The following LRRC4C variants were observed in gnomAD, a reference collection of about 807,000 sequenced individuals.
The protein encoded by LRRC4C is leucine-rich repeat-containing protein 4C.
LRRC4C carries 5 observed loss-of-function variants against 33.6 expected under a neutral mutation model. The ratio of observed to expected loss-of-function variants is 0.15; its 90% CI spans 0.08 to 0.31. The LOEUF is 0.31. Ranked by LOEUF, LRRC4C falls within the 10% of genes least tolerant of loss-of-function variation. LRRC4C has a pLI of 1.00. For synonymous variants in LRRC4C, 329 were observed against 302.0 expected (o/e 1.09, Z -0.93); for missense variants, 560 against 796.7 (o/e 0.70, Z 3.58).
chr11:40,494,961 C>T (rs1335690013), intron 3 of LRRC4C, among the ~76,000 whole-genome samples: 2 of 152,128 alleles, frequency 1.3e-5, no homozygotes, highest in East Asian at 3.9e-4. Context: ...AATTGTATCG[C>T]TCTCATAGAA....
At chr11:40,263,730 C>T (rs536931452) in intron 4 of LRRC4C, among the ~76,000 whole-genome samples, 1 of 152,298 alleles carries the variant, frequency 6.6e-6, no homozygotes, top group East Asian at 1.9e-4. Context: ...GCAGGAAAGG[C>T]CATTCATGCG....
intron 1 of LRRC4C, among the ~76,000 whole-genome samples, chr11:41,267,538 G>T (rs1034581129): frequency 2.0e-5 from 3 of 152,204 alleles, no homozygotes; most frequent in African/African-American, 7.2e-5. Flanking sequence ...ACCAGTAAAT[G>T]ATAACAAATG....
intron 5 of LRRC4C, among the ~76,000 whole-genome samples, chr11:40,237,447 T>C (rs1865642358): frequency 2.0e-5 from 3 of 152,212 alleles, no homozygotes; most frequent in African/African-American, 7.2e-5. Flanking sequence ...AGAATCTTTC[T>C]TACTCTCTAT....
At position 40,591,079 on chromosome 11, in the gene LRRC4C, C is replaced by T. The variant is rs373901008; in HGVS notation, c.-270+57063G>A. 5.9e-4 allele frequency among the ~76,000 whole-genome samples: 90 copies of T among 152,254 alleles called. 2 individuals carry two copies. In the South Asian group the frequency reaches 0.017, roughly 29 times the overall value. ...ATGGTGGGCGCCCCTCCCCCAGCCT[C>T]GCTGCCGCCTTGCAGTTTGATCTCA... On this transcript the variant is annotated intron_variant, in intron 3 of 6. Coordinates refer to ENST00000528697, the MANE Select transcript of LRRC4C (RefSeq NM_001258419.2).
At chr11:40,625,514 G>C (rs545642576) in intron 3 of LRRC4C, among the ~76,000 whole-genome samples, 1 of 152,186 alleles carries the variant, frequency 6.6e-6, no homozygotes, top group Non-Finnish European at 1.5e-5. Context: ...GGGAAAACCT[G>C]TCCCCCTGAT....
intron 1 of LRRC4C, among the ~76,000 whole-genome samples, chr11:41,204,993 A>G (rs1946541407): frequency 6.6e-6 from 1 of 152,164 alleles, no homozygotes; most frequent in African/African-American, 2.4e-5. Flanking sequence ...TTGAATAAAG[A>G]CTTACAGTCT....
chr11:40,751,387 C>T (rs1948686166), intron 2 of LRRC4C, among the ~76,000 whole-genome samples: 1 of 152,138 alleles, frequency 6.6e-6, no homozygotes, highest in African/African-American at 2.4e-5. Flanking sequence ...CACCAAAAAA[C>T]TCTTATAGCT....
chr11:41,249,466 T>A (rs1003013099), intron 1 of LRRC4C, among the ~76,000 whole-genome samples: 5 of 152,320 alleles, frequency 3.3e-5, no homozygotes, highest in Non-Finnish European at 5.9e-5. Flanking sequence ...TTCATTTCTC[T>A]ATTCGAAACT....
chr11:40,877,254 C>T (rs1954946375), intron 2 of LRRC4C, among the ~76,000 whole-genome samples: 1 of 152,112 alleles, frequency 6.6e-6, no homozygotes, highest in Non-Finnish European at 1.5e-5. Flanking sequence ...GTTGTTCTGT[C>T]CGTATGCACA....
intron 1 of LRRC4C, among the ~76,000 whole-genome samples, chr11:41,218,687 A>C (rs1036990835): frequency 1.3e-5 from 2 of 152,130 alleles, no homozygotes; most frequent in African/African-American, 4.8e-5. Flanking sequence ...AAAGAATAAT[A>C]ATAGATTCTA....
chr11:40,457,725 T>A (rs1952203626), intron 3 of LRRC4C, among the ~76,000 whole-genome samples: 1 of 152,182 alleles, frequency 6.6e-6, no homozygotes, highest in African/African-American at 2.4e-5. Context: ...TCCACTTTCC[T>A]AGCTTGGACA....
chr11:41,038,717 T>C (rs1857242470), intron 1 of LRRC4C, among the ~76,000 whole-genome samples: 1 of 152,132 alleles, frequency 6.6e-6, no homozygotes, highest in African/African-American at 2.4e-5. Context: ...TTATATAAAC[T>C]AGAAACATGT....
intron 3 of LRRC4C, among the ~76,000 whole-genome samples, chr11:40,605,132 G>C (rs902701694): frequency 6.6e-6 from 1 of 152,056 alleles, no homozygotes; most frequent in African/African-American, 2.4e-5. Flanking sequence ...GGAAATTGAG[G>C]GTGAGAGATT....
intron 2 of LRRC4C, among the ~76,000 whole-genome samples, chr11:40,847,247 G>A (rs1020449931): frequency 1.3e-5 from 2 of 152,060 alleles, no homozygotes; most frequent in African/African-American, 4.8e-5. Context: ...GAATGATTCA[G>A]CTTTTGCTCA....
chr11:40,925,330 C>T (rs1957369122), intron 2 of LRRC4C, among the ~76,000 whole-genome samples: 2 of 152,174 alleles, frequency 1.3e-5, no homozygotes, highest in Admixed American at 1.3e-4. Context: ...CACATCACTT[C>T]TGGCAAAAGC....
intron 2 of LRRC4C, among the ~76,000 whole-genome samples, chr11:40,706,274 A>T (rs1946165174): frequency 6.6e-6 from 1 of 152,152 alleles, no homozygotes; most frequent in Non-Finnish European, 1.5e-5. Flanking sequence ...ATAGTCATGA[A>T]GTCCTTGCCC....
chr11:40,552,992 C>T (rs1019992810), intron 3 of LRRC4C, among the ~76,000 whole-genome samples: 8 of 152,112 alleles, frequency 5.3e-5, no homozygotes, highest in South Asian at 2.1e-4. Context: ...TGGATCAGGC[C>T]GGGTGCGGTA....
At chr11:40,323,107 T>A (rs1945932300) in intron 3 of LRRC4C, among the ~76,000 whole-genome samples, 1 of 152,198 alleles carries the variant, frequency 6.6e-6, no homozygotes, top group Non-Finnish European at 1.5e-5. Flanking sequence ...GAAATGGATC[T>A]TTTTGCTCAG....
intron 1 of LRRC4C, among the ~76,000 whole-genome samples, chr11:41,277,268 A>G (rs1949514540): frequency 6.6e-6 from 1 of 152,214 alleles, no homozygotes; most frequent in South Asian, 2.1e-4. Flanking sequence ...TGCTTTATGC[A>G]GTCTTTAACT....
Sources: allele counts gnomAD v4.1 joint callset (sites outside exome capture counted in the v4.1 genomes callset), GRCh38; gene constraint gnomAD v4.1.1; transcripts MANE v1.5; gene names NCBI Gene and HGNC (gene_info 2026-07-23, HGNC 2026-07-21).